Variants in LRRC8D observed in about 807,000 individuals in gnomAD.
The protein encoded by LRRC8D is leucine rich repeat containing 8 VRAC subunit D, also known as volume-regulated anion channel subunit LRRC8D.
Under a neutral mutation model 55.8 loss-of-function variants are expected in LRRC8D, and 20 were observed. The ratio of observed to expected loss-of-function variants is 0.36; its 90% CI spans 0.25 to 0.52. The LOEUF (loss-of-function observed/expected upper bound fraction) is 0.52, where lower values mean the gene tolerates loss of function less well. LRRC8D is among the 20% of genes least tolerant of loss of function. The pLI is 0.93. For synonymous variants in LRRC8D, 352 were observed against 377.0 expected, an observed-to-expected ratio of 0.93 and a Z score of 0.77; for missense variants, 651 against 1,030.8, an observed-to-expected ratio of 0.63 and a Z score of 5.05.
At chr1:89,924,231 A>T (rs1663496185) in intron 2 of LRRC8D, among the ~76,000 whole-genome samples, 1 of 152,144 alleles carries the variant, frequency 6.6e-6, no homozygotes, top group African/African-American at 2.4e-5. Flanking sequence ...CAGCAAGCAA[A>T]AAACAATCCC....
chr1:89,834,399 A>G (rs1367913243), intron 1 of LRRC8D, among the ~76,000 whole-genome samples: 1 of 152,202 alleles, frequency 6.6e-6, no homozygotes, highest in East Asian at 1.9e-4. Flanking sequence ...CTATTCTTAT[A>G]TCAGCCATGA....
rs1318880203 is a variant in LRRC8D at position 89,934,924 on chromosome 1, A to G, written c.1856A>G (p.His619Arg). ...VAPHLTKLVI[H>R]NDGTKLLVLN... is the part of the protein sequence containing the mutation. Reference sequence around the variant, plus strand: ...CCACATCTTACAAAGTTAGTCATTCATAATGACGGCACTAAACTCTTGGTA... The same window carrying G: ...CCACATCTTACAAAGTTAGTCATTCGTAATGACGGCACTAAACTCTTGGTA... Residue 619 changes from histidine (H) to arginine (R), a missense_variant, in exon 3 of 3, where the codon CAT becomes CGT. Physicochemically the swap from His to Arg is conservative, Grantham distance 29. Coordinates refer to ENST00000337338, the MANE Select transcript of LRRC8D (RefSeq NM_001134479.2). This position sits in a 1 kb window ranked among gnomAD's most constrained non-coding sequence, Gnocchi z 5.9. 3 of 1,614,170 alleles carry G rather than the reference A, an allele frequency of 1.9e-6. No homozygotes were observed. Among genetic ancestry groups the G allele is most frequent in the Non-Finnish European group, 1.7e-6 (2 of 1,180,018 alleles).
chr1:89,854,812 A>G (rs1456706635), intron 2 of LRRC8D, among the ~76,000 whole-genome samples: 1 of 152,186 alleles, frequency 6.6e-6, no homozygotes, highest in Non-Finnish European at 1.5e-5. Flanking sequence ...CAGCTGTTAG[A>G]TAACCGTACC....
intron 1 of LRRC8D, among the ~76,000 whole-genome samples, chr1:89,839,681 A>G (rs1027925934): frequency 4.6e-5 from 7 of 152,206 alleles, no homozygotes; most frequent in Non-Finnish European, 1.0e-4. Context: ...TGTGAGTGCC[A>G]GAGACCTCCT....
At chr1:89,850,976 A>G (rs543572357) in intron 2 of LRRC8D, among the ~76,000 whole-genome samples, 1 of 152,320 alleles carries the variant, frequency 6.6e-6, no homozygotes, top group East Asian at 1.9e-4. Flanking sequence ...TTTTTCTAGA[A>G]ATGTGTCGAC....
intron 2 of LRRC8D, among the ~76,000 whole-genome samples, chr1:89,855,482 C>G (rs1213794190): frequency 6.6e-6 from 1 of 152,192 alleles, no homozygotes; most frequent in African/African-American, 2.4e-5. Flanking sequence ...AATTAAGCCT[C>G]TAATCTTTCT....
chr1:89,903,089 T>C (rs1240769635), intron 2 of LRRC8D, among the ~76,000 whole-genome samples: 2 of 152,058 alleles, frequency 1.3e-5, no homozygotes, highest in African/African-American at 4.8e-5. Context: ...GAAACAGAGA[T>C]GTTAGGTAAC....
chr1:89,934,898 T>C lies in LRRC8D; in HGVS notation c.1830T>C (p.Ala610=), dbSNP rs1354830294. 3 of 1,614,008 alleles carry C rather than the reference T, an allele frequency of 1.9e-6. No homozygotes were observed. Among genetic ancestry groups the C allele is most frequent in the Non-Finnish European group, 2.5e-6 (3 of 1,180,006 alleles). Residue 610 remains alanine (A), a synonymous_variant, in exon 3 of 3, where the codon GCT becomes GCC. Transcript: ENST00000337338. This position sits in a 1 kb window ranked among gnomAD's most constrained non-coding sequence, Gnocchi z 5.9. ...TKVPSNITDV[A]PHLTKLVIHN... The stretch of plus-strand genomic sequence containing the variant: ...TTCCCTCCAACATTACAGATGTGGC[T>C]CCACATCTTACAAAGTTAGTCATTC...
chr1:89,865,047 C>T lies in LRRC8D; in HGVS notation c.-3+21265C>T, dbSNP rs111402723. 7.3e-3 allele frequency among the ~76,000 whole-genome samples: 1,118 copies of T among 152,164 alleles called. 12 individuals carry two copies. Among genetic ancestry groups the T allele is most frequent in the African/African-American group, 0.026 (1,078 of 41,494 alleles). On this transcript the variant is annotated intron_variant, in intron 2 of 2. Transcript: ENST00000337338. ...GTTTCCATAGAACATTTTACATCTC[C>T]AACATTTCACTTATTACATTGATTT...
intron 2 of LRRC8D, among the ~76,000 whole-genome samples, chr1:89,929,025 A>G (rs1663635485): frequency 6.6e-6 from 1 of 152,250 alleles, no homozygotes; most frequent in South Asian, 2.1e-4. Context: ...GATGATGATC[A>G]AGATCTCAAA....
At chr1:89,857,679 C>G (rs1661593900) in intron 2 of LRRC8D, among the ~76,000 whole-genome samples, 1 of 152,130 alleles carries the variant, frequency 6.6e-6, no homozygotes, top group Non-Finnish European at 1.5e-5. Flanking sequence ...GGGTTTACTG[C>G]TTTTAAGCTT....
Position 89,933,360 on chromosome 1 carries a change from A to G in LRRC8D, c.292A>G (p.Ile98Val), listed in dbSNP as rs760432404. ...CCAAGATGGGCGGACAACAAACGAC[A>G]TTTCCTTTGGGACATCTGCTGTGAC... is the stretch of plus-strand genomic sequence containing the variant. ...QDQDGRTTNDISFGTSAVTPD... is the reference protein window; with the variant it reads ...QDQDGRTTNDVSFGTSAVTPD... Residue 98 changes from isoleucine to valine, a missense_variant, in exon 3 of 3, where the codon ATT becomes GTT. Physicochemically the swap from Ile to Val is conservative, Grantham distance 29. Coordinates refer to ENST00000337338, the MANE Select transcript of LRRC8D (RefSeq NM_001134479.2). The surrounding 1 kb of genome is among the most constrained non-coding windows in gnomAD (Gnocchi z 7.0). The G allele has an allele frequency of 6.2e-7, 1 of 1,614,126 alleles. No homozygotes were observed.
chr1:89,897,616 T>C (rs1662744936), intron 2 of LRRC8D, among the ~76,000 whole-genome samples: 1 of 152,238 alleles, frequency 6.6e-6, no homozygotes, highest in Admixed American at 6.5e-5. Flanking sequence ...CGTCAAACTG[T>C]AAACTGCTTG....
Position 89,836,485 on chromosome 1 carries a change from A to G in LRRC8D, c.-147-7153A>G, listed in dbSNP as rs959472391. Among the ~76,000 whole-genome samples, 3 of 152,260 alleles carry G rather than the reference A, an allele frequency of 2.0e-5. No homozygotes were observed. In the East Asian group the frequency reaches 5.8e-4, roughly 29 times the overall value. ...GCCAGATTATACATACGCCACTGAC[A>G]TTTTCATCTGACCTCCTAAACTCAG... is the stretch of plus-strand genomic sequence containing the variant. On this transcript the variant is annotated intron_variant, in intron 1 of 2. Coordinates refer to ENST00000337338, the MANE Select transcript of LRRC8D (RefSeq NM_001134479.2).
chr1:89,887,380 T>A (rs1354234646), intron 2 of LRRC8D, among the ~76,000 whole-genome samples: 1 of 152,236 alleles, frequency 6.6e-6, no homozygotes, highest in Non-Finnish European at 1.5e-5. Flanking sequence ...CATTTAGTAG[T>A]TGTGTCACAT....
chr1:89,901,641 G>C (rs1489094869), intron 2 of LRRC8D, among the ~76,000 whole-genome samples: 1 of 152,176 alleles, frequency 6.6e-6, no homozygotes, highest in African/African-American at 2.4e-5. Flanking sequence ...TAGATTACCA[G>C]ATACGCAGAC....
At chr1:89,868,759 C>T (rs921175583) in intron 2 of LRRC8D, among the ~76,000 whole-genome samples, 1 of 152,170 alleles carries the variant, frequency 6.6e-6, no homozygotes, top group Admixed American at 6.5e-5. Flanking sequence ...AAGAGGCTAC[C>T]GGAGGATTCT....
intron 1 of LRRC8D, among the ~76,000 whole-genome samples, chr1:89,840,419 G>A (rs978877351): frequency 6.6e-6 from 1 of 152,190 alleles, no homozygotes; most frequent in Non-Finnish European, 1.5e-5. Context: ...GAGTCGTACA[G>A]AGTGAATGTT....
chr1:89,867,280 G>A (rs1661875697), intron 2 of LRRC8D, among the ~76,000 whole-genome samples: 1 of 152,214 alleles, frequency 6.6e-6, no homozygotes, highest in East Asian at 1.9e-4. Context: ...AAATTATGTA[G>A]TCACTTTTTG....
Sources: gnomAD v4.1 joint callset for allele counts (sites outside exome capture counted in the v4.1 genomes callset) on GRCh38, gnomAD v4.1.1 for gene constraint, Gnocchi (gnomAD v3.1) non-coding constraint, MANE v1.5 for transcripts, NCBI Gene and HGNC (gene_info 2026-07-23, HGNC 2026-07-21) for gene names.